Variants in DNAH6 observed in about 807,000 individuals in gnomAD.
DNAH6 encodes the protein axonemal beta dynein heavy chain 6.
DNAH6 carries 340 observed loss-of-function variants against 491.4 expected under a neutral mutation model. The ratio of observed to expected loss-of-function variants is 0.69; its 90% CI spans 0.63 to 0.76. DNAH6 has a LOEUF of 0.76. DNAH6 is among the 30% of genes least tolerant of loss of function. The pLI, the probability that DNAH6 is intolerant of heterozygous loss-of-function variation, is 0.00. For synonymous variants in DNAH6, 1,603 were observed against 1,686.1 expected, an observed-to-expected ratio of 0.95 and a Z score of 1.21; for missense variants, 4,443 against 4,972.2, an observed-to-expected ratio of 0.89 and a Z score of 3.20.
At chr2:84,475,501 C>T in the DNAH6 span, among the ~76,000 whole-genome samples, 25 of 152,274 alleles carry the variant, frequency 1.6e-4, no homozygotes, top group African/African-American at 4.8e-4. Flanking sequence ...TCCTTTTCTA[C>T]GTTCCTTTTT....
chr2:84,639,778 A>C (rs1260400502), intron 31 of DNAH6, among the ~76,000 whole-genome samples: 1 of 152,150 alleles, frequency 6.6e-6, no homozygotes, highest in Non-Finnish European at 1.5e-5. Flanking sequence ...ATCAGCAGGG[A>C]TAGGGCAGTA....
chr2:84,604,302 A>G (rs1385141106), intron 18 of DNAH6, 37 bp from the exon 19 acceptor site: 1 of 1,484,414 alleles, frequency 6.7e-7, no homozygotes, highest in Non-Finnish European at 9.2e-7. Flanking sequence ...TTTTTAAGAT[A>G]AAAAGCTTCA....
Position 84,619,889 on chromosome 2 carries a change from A to G in DNAH6, c.3777A>G (p.Ser1259=). The change falls in exon 24 of 77, where the codon TCA becomes TCG. Residue 1259 remains serine, a synonymous_variant. Transcript: ENST00000389394. ...CTAATGATATTTTAGCAATGCTGTCACCAGAGGGAGAAAGGGTGAGGTGCT... is the reference window on the plus strand; with the variant it reads ...CTAATGATATTTTAGCAATGCTGTCGCCAGAGGGAGAAAGGGTGAGGTGCT... ...VYTNDILAML[S]PEGERVSLGK... 6.4e-7 allele frequency: 1 copy of G among 1,550,922 alleles called. No homozygotes were observed. The highest frequency in any genetic ancestry group is 8.7e-7 in the Non-Finnish European group (1 of 1,146,422).
At chr2:84,596,859 A>G (rs1480301690) in intron 18 of DNAH6, among the ~76,000 whole-genome samples, 1 of 152,202 alleles carries the variant, frequency 6.6e-6, no homozygotes, top group African/African-American at 2.4e-5. Context: ...ATTACATCAT[A>G]TAATTGTAAA....
At position 84,703,445 on chromosome 2, in the gene DNAH6, A is replaced by G. The variant is rs1199447832; in HGVS notation, c.8112A>G (p.Ile2704Met). Reference sequence around the variant, plus strand: ...TCACCAAGCTACTAGAAACAAACATACTAGTAGATAAAATGAAACTAGATC... The same window carrying G: ...TCACCAAGCTACTAGAAACAAACATGCTAGTAGATAAAATGAAACTAGATC... ...NGLTKLLETN[I>M]LVDKMKLDLS... The change falls in exon 50 of 77, where the codon ATA becomes ATG. Residue 2704 changes from isoleucine (I) to methionine (M), a missense_variant. By Grantham distance (10) the Ile-to-Met change is conservative. This residue lies in a region of DNAH6 where 2,977 missense variants were observed against 3,296.6 expected (regional missense o/e 0.90). Transcript: ENST00000389394. The G allele has an allele frequency of 2.6e-6, 4 of 1,549,004 alleles. No individual in the cohort carries two copies. The highest frequency in any genetic ancestry group is 1.4e-5 in the African/African-American group (1 of 72,978).
intron 62 of DNAH6, among the ~76,000 whole-genome samples, chr2:84,740,960 G>T (rs1323300841): frequency 6.6e-6 from 1 of 152,130 alleles, no homozygotes; most frequent in Non-Finnish European, 1.5e-5. Flanking sequence ...CAAAATGCTT[G>T]CTGTGGCCAC....
chr2:84,797,508 A>AT (rs749062810), intron 69 of DNAH6, 29 bp from the exon 70 acceptor site: 2 of 1,545,326 alleles, frequency 1.3e-6, no homozygotes, highest in Non-Finnish European at 1.7e-6. Flanking sequence ...TATTTGAGAC[A>AT]TATTTGTCTT....
At chr2:84,670,292 A>G in intron 38 of DNAH6, 36 bp from the exon 39 acceptor site, 2 of 1,383,178 alleles carry the variant, frequency 1.4e-6, no homozygotes. Flanking sequence ...AAGAGGTTAT[A>G]TTCATGTGAC....
At chr2:84,624,081 A>T (rs558051610) in intron 26 of DNAH6, among the ~76,000 whole-genome samples, 184 bp from the exon 27 acceptor site, 3 of 152,220 alleles carry the variant, frequency 2.0e-5, no homozygotes, top group Non-Finnish European at 2.9e-5. Flanking sequence ...TAAAGACAGT[A>T]TATATTTCAC....
rs1259420877 is a variant in DNAH6, at chr2:84,816,031, C to T, written c.12321C>T (p.Tyr4107=). The change falls in exon 76 of 77, where the codon TAC becomes TAT. Residue 4107 remains tyrosine, a synonymous_variant. Coordinates refer to ENST00000389394, the MANE Select transcript of DNAH6 (RefSeq NM_001370.2). ...QQNYKPSPTL[Y]HCPLYKTGAR... The stretch of plus-strand genomic sequence containing the variant: ...ACTATAAGCCAAGCCCAACACTTTA[C>T]CACTGCCCACTTTATAAAACAGGAG... 6 of 1,551,604 alleles carry T rather than the reference C, an allele frequency of 3.9e-6. No homozygotes were observed. In the Admixed American group the frequency reaches 7.8e-5, roughly 20 times the overall value.
intron 68 of DNAH6, among the ~76,000 whole-genome samples, chr2:84,789,151 GC>G (rs1468138461): frequency 1.3e-5 from 2 of 152,136 alleles, no homozygotes; most frequent in African/African-American, 4.8e-5. Flanking sequence ...TTTAAGAAGG[GC>G]CAAGACAGTG....
At chr2:84,717,807 G>T (rs1338829458) in intron 58 of DNAH6, among the ~76,000 whole-genome samples, 2 of 152,184 alleles carry the variant, frequency 1.3e-5, no homozygotes, top group African/African-American at 2.4e-5. Flanking sequence ...TTCAGAATCT[G>T]CCATGTTGGT....
chr2:84,750,954 G>A (rs957469468), intron 63 of DNAH6: 2 of 152,158 alleles, frequency 1.3e-5, no homozygotes, highest in African/African-American at 2.4e-5. Flanking sequence ...ACCCAGATTA[G>A]GTTTCAGAAA....
At chr2:84,749,108 C>A (rs908377420) in intron 63 of DNAH6, among the ~76,000 whole-genome samples, 2 of 152,134 alleles carry the variant, frequency 1.3e-5, no homozygotes, top group African/African-American at 4.8e-5. Context: ...ACCCAAACAC[C>A]GCCCACTAGG....
intron 20 of DNAH6, among the ~76,000 whole-genome samples, chr2:84,605,900 A>G (rs1220158250): frequency 4.6e-5 from 7 of 152,206 alleles, no homozygotes; most frequent in Non-Finnish European, 1.5e-5. Flanking sequence ...TAGACCAGTC[A>G]TAACAAGCTG....
the DNAH6 span, among the ~76,000 whole-genome samples, chr2:84,494,995 CT>C: frequency 1.3e-5 from 2 of 152,180 alleles, no homozygotes; most frequent in African/African-American, 4.8e-5. Context: ...GGCAGAGGCT[CT>C]CAGATGTGTC....
chr2:84,576,651 T>C (rs1346991221), intron 12 of DNAH6, among the ~76,000 whole-genome samples: 1 of 152,112 alleles, frequency 6.6e-6, no homozygotes, highest in East Asian at 1.9e-4. Context: ...TGAGAGTATA[T>C]TCAAGGATAA....
rs748525781 is a variant in DNAH6 at position 84,577,392 on chromosome 2, C to A, written c.2060C>A (p.Pro687His). The A allele has an allele frequency of 6.3e-7, 1 of 1,599,200 alleles. No individual in the cohort carries two copies. The highest frequency in any genetic ancestry group is 1.3e-5 in the African/African-American group (1 of 74,286). ...RLLREKLIPS[P>H]LRCLEVLNFM... Reference sequence around the variant, plus strand: ...CTAAGAGAAAAATTAATTCCATCACCTTTGCGATGCTTAGAGGTAACTATA... The same window carrying A: ...CTAAGAGAAAAATTAATTCCATCACATTTGCGATGCTTAGAGGTAACTATA... The change falls in exon 13 of 77, where the codon CCT (proline) becomes CAT (histidine). Residue 687 changes from proline (P) to histidine (H), a missense_variant. Coordinates refer to ENST00000389394, the MANE Select transcript of DNAH6 (RefSeq NM_001370.2).
chr2:84,698,144 A>G (rs979783222), intron 47 of DNAH6, among the ~76,000 whole-genome samples: 10 of 152,220 alleles, frequency 6.6e-5, no homozygotes, highest in African/African-American at 2.4e-4. Flanking sequence ...TCTCGGGAAC[A>G]GTGTGGCTGC....
Sources: allele counts gnomAD v4.1 joint callset (sites outside exome capture counted in the v4.1 genomes callset), GRCh38; gene constraint gnomAD v4.1.1; regional missense constraint gnomAD v4.1.1; transcripts MANE v1.5; gene names NCBI Gene and HGNC (gene_info 2026-07-23, HGNC 2026-07-21).